The following LIN9 variants were observed in gnomAD, a reference collection of about 807,000 sequenced individuals.
The protein encoded by LIN9 is lin-9 DREAM MuvB core complex component.
LIN9 carries 18 observed loss-of-function variants against 78.0 expected under a neutral mutation model. The observed-to-expected ratio is 0.23, with a 90% confidence interval of 0.16 to 0.34. LIN9 has a LOEUF of 0.34. Among genes scored for constraint, LIN9 ranks in the 10% least tolerant of loss-of-function variants. The pLI, the probability that LIN9 is intolerant of heterozygous loss-of-function variation, is 1.00. For missense variants in LIN9, 451 were observed against 644.1 expected, an observed-to-expected ratio of 0.70 and a Z score of 3.25; for synonymous variants, 192 against 215.2, an observed-to-expected ratio of 0.89 and a Z score of 0.94.
intron 10 of LIN9, among the ~76,000 whole-genome samples, chr1:226,264,855 A>G (rs963036036): frequency 3.3e-5 from 5 of 152,220 alleles, no homozygotes; most frequent in Admixed American, 3.3e-4. Context: ...TCTCAAAATG[A>G]ATAAATAAAT....
In LIN9 at chr1:226,258,894, C is replaced by CAAAAAAAA. The variant is rs770169450; in HGVS notation, c.1038+6631_1038+6638dup. On this transcript the variant is annotated intron_variant, in intron 10 of 14. Coordinates refer to ENST00000681046, the MANE Select transcript of LIN9 (RefSeq NM_001366245.2). ...GTGACAGAGCAAGACTCTGTCTCAA[C>CAAAAAAAA]AAAAAAAAAAAAAAAAAAAAAAAAA... Among the ~76,000 whole-genome samples, 47 of 54,778 alleles carry CAAAAAAAA rather than the reference C, an allele frequency of 8.6e-4. 1 individual carries two copies. The highest frequency in any genetic ancestry group is 3.1e-3 in the African/African-American group (40 of 12,760). The allele number at this position is 54,778 out of a possible 152,430, so 35.9% of individuals were successfully genotyped here. A position where few individuals can be genotyped will look rare whatever the true frequency, so the allele number is the denominator to read the frequency against.
At chr1:226,277,153 G>A (rs992776014) in intron 7 of LIN9, among the ~76,000 whole-genome samples, 1 of 149,224 alleles carries the variant, frequency 6.7e-6, no homozygotes, top group Admixed American at 6.7e-5. Flanking sequence ...AGGCCACAGT[G>A]AGCCAAGATC....
intron 10 of LIN9, among the ~76,000 whole-genome samples, chr1:226,255,918 G>C (rs1375208092): frequency 6.6e-6 from 1 of 151,488 alleles, no homozygotes; most frequent in East Asian, 1.9e-4. Context: ...AGAGGAAAGA[G>C]AGAAAAAAAG....
chr1:226,236,601 G>T (rs1019812294), intron 12 of LIN9, among the ~76,000 whole-genome samples: 3 of 151,934 alleles, frequency 2.0e-5, no homozygotes, highest in Non-Finnish European at 4.4e-5. Flanking sequence ...GACTACAGGC[G>T]CCCGCCACCA....
intron 4 of LIN9, among the ~76,000 whole-genome samples, 173 bp downstream of exon 4, chr1:226,295,669 T>C (rs566226093): frequency 6.6e-6 from 1 of 152,122 alleles, no homozygotes; most frequent in Non-Finnish European, 1.5e-5. Context: ...TATCCTGTTT[T>C]AAAGTTGATC....
intron 6 of LIN9, among the ~76,000 whole-genome samples, chr1:226,281,966 A>G (rs1661093528): frequency 6.6e-6 from 1 of 152,178 alleles, no homozygotes; most frequent in South Asian, 2.1e-4. Context: ...TGCTGGGATT[A>G]TAGTGTTAAC....
intron 4 of LIN9, among the ~76,000 whole-genome samples, chr1:226,293,284 C>T (rs1423105542): frequency 6.6e-6 from 1 of 152,150 alleles, no homozygotes; most frequent in East Asian, 1.9e-4. Flanking sequence ...GCTCAGAATT[C>T]TCTGTATTGC....
intron 4 of LIN9, among the ~76,000 whole-genome samples, chr1:226,295,483 TA>T (rs751830471): frequency 4.6e-5 from 7 of 150,732 alleles, no homozygotes; most frequent in East Asian, 1.9e-4. Flanking sequence ...TATATATATA[TA>T]TTTTTTTCCT....
At chr1:226,273,290 TCA>T (rs2102931629) in intron 7 of LIN9, among the ~76,000 whole-genome samples, 1 of 142,088 alleles carries the variant, frequency 7.0e-6, no homozygotes, top group East Asian at 2.2e-4. Flanking sequence ...AGACAAGGTC[TCA>T]CTCTGTCCAG....
At chr1:226,244,345 T>A (rs1040005244) in intron 11 of LIN9, among the ~76,000 whole-genome samples, 1 of 152,104 alleles carries the variant, frequency 6.6e-6, no homozygotes, top group Middle Eastern at 3.4e-3. Flanking sequence ...GGCAGGAGAA[T>A]CGCTTGAACC....
chr1:226,305,232 G>A (rs1223422325), intron 1 of LIN9, among the ~76,000 whole-genome samples: 1 of 150,346 alleles, frequency 6.7e-6, no homozygotes, highest in African/African-American at 2.5e-5. Flanking sequence ...CACTTTGGAA[G>A]GCTAAGGCAG....
intron 10 of LIN9, among the ~76,000 whole-genome samples, chr1:226,255,467 A>G (rs1486275871): frequency 1.3e-5 from 2 of 152,328 alleles, no homozygotes; most frequent in Admixed American, 6.5e-5. Context: ...TTCATAGTCC[A>G]GAGGCTCAGG....
At chr1:226,285,114 G>A (rs563080688) in intron 6 of LIN9, among the ~76,000 whole-genome samples, 1 of 152,220 alleles carries the variant, frequency 6.6e-6, no homozygotes, top group Non-Finnish European at 1.5e-5. Context: ...GAGAATAGAA[G>A]ATCAATTAAC....
At chr1:226,242,295 G>A (rs151192714) in intron 11 of LIN9, among the ~76,000 whole-genome samples, 11 of 152,252 alleles carry the variant, frequency 7.2e-5, no homozygotes, top group East Asian at 1.9e-4. Flanking sequence ...GTGTGTGTAC[G>A]AATATATGTA....
chr1:226,295,855 G>C lies in LIN9; in HGVS notation c.251C>G (p.Ala84Gly). The stretch of plus-strand genomic sequence containing the variant: ...GCACACACATACCTGTGGAACCATT[G>C]CAACCCTCTGGTTTCTTTTAGGTGA... ...TRSPKRNQRV[A>G]MVPQKFTATM... Residue 84 changes from alanine (A) to glycine (G), a missense_variant, in exon 4 of 15, where the codon GCA becomes GGA. Transcript: ENST00000681046. 7 of 1,610,238 alleles carry C rather than the reference G, an allele frequency of 4.3e-6. No individual in the cohort carries two copies. The highest frequency in any genetic ancestry group is 5.9e-6 in the Non-Finnish European group (7 of 1,178,110).
At chr1:226,234,963 C>T (rs1657591957) in intron 12 of LIN9, among the ~76,000 whole-genome samples, 1 of 148,796 alleles carries the variant, frequency 6.7e-6, no homozygotes, top group Non-Finnish European at 1.5e-5. Flanking sequence ...GCGATCTCAG[C>T]TCACTGCAAC....
At chr1:226,274,617 A>G (rs1044557314) in intron 7 of LIN9, among the ~76,000 whole-genome samples, 2 of 151,190 alleles carry the variant, frequency 1.3e-5, no homozygotes, top group Admixed American at 6.6e-5. Flanking sequence ...AATTACACAT[A>G]TGTTATCTTG....
At chr1:226,293,412 G>A (rs1325795210) in intron 4 of LIN9, among the ~76,000 whole-genome samples, 1 of 152,156 alleles carries the variant, frequency 6.6e-6, no homozygotes, top group Non-Finnish European at 1.5e-5. Flanking sequence ...GTATGTTTGT[G>A]AATCATCTAG....
chr1:226,243,695 C>CAAAA (rs532381607), intron 11 of LIN9, among the ~76,000 whole-genome samples: 4 of 35,378 alleles, frequency 1.1e-4, no homozygotes, highest in East Asian at 8.8e-4. Flanking sequence ...GACTCCGTCT[C>CAAAA]AAAAAAAAAA....
Sources: gnomAD v4.1 joint callset for allele counts (sites outside exome capture counted in the v4.1 genomes callset) on GRCh38, gnomAD v4.1.1 for gene constraint, MANE v1.5 for transcripts, NCBI Gene and HGNC (gene_info 2026-07-23, HGNC 2026-07-21) for gene names.